Variants in MYLK observed in about 807,000 individuals in gnomAD.
MYLK encodes the protein myosin light chain kinase, smooth muscle.
MYLK carries 106 observed loss-of-function variants against 203.4 expected under a neutral mutation model. The ratio of observed to expected loss-of-function variants is 0.52; its 90% CI spans 0.45 to 0.61. MYLK has a LOEUF of 0.61. MYLK is among the 20% of genes least tolerant of loss of function. The pLI is 0.00. For synonymous variants in MYLK, 867 were observed against 959.5 expected (o/e 0.90, Z 1.78); for missense variants, 2,072 against 2,442.3 (o/e 0.85, Z 3.20).
intron 3 of MYLK, among the ~76,000 whole-genome samples, chr3:123,828,529 C>G (rs1027990335): frequency 2.0e-5 from 3 of 152,060 alleles, no homozygotes; most frequent in Admixed American, 6.6e-5. Flanking sequence ...GAAAATGCCT[C>G]AGAACATTGG....
intron 19 of MYLK, among the ~76,000 whole-genome samples, chr3:123,685,769 G>T (rs866631177): frequency 6.6e-6 from 1 of 152,020 alleles, no homozygotes; most frequent in East Asian, 1.9e-4. Flanking sequence ...CTCCGTCCTC[G>T]GCCCTAGGGT....
chr3:123,677,591 G>A (rs372612937), intron 20 of MYLK, among the ~76,000 whole-genome samples: 7 of 152,100 alleles, frequency 4.6e-5, no homozygotes, highest in African/African-American at 1.2e-4. Flanking sequence ...ACCCACTCTG[G>A]GCTGGAGGAG....
intron 4 of MYLK, among the ~76,000 whole-genome samples, chr3:123,758,574 A>C (rs1203626813): frequency 6.6e-6 from 1 of 152,132 alleles, no homozygotes; most frequent in Non-Finnish European, 1.5e-5. Flanking sequence ...CCCGAGACAT[A>C]GGAATCCCTG....
chr3:123,652,525 GA>G (rs2059249513), intron 24 of MYLK, among the ~76,000 whole-genome samples: 1 of 152,188 alleles, frequency 6.6e-6, no homozygotes, highest in Admixed American at 6.5e-5. Flanking sequence ...CACACCCAGA[GA>G]ACACTAGAGG....
chr3:123,792,449 T>C (rs2064815267), intron 4 of MYLK, among the ~76,000 whole-genome samples: 1 of 152,156 alleles, frequency 6.6e-6, no homozygotes, highest in South Asian at 2.1e-4. Context: ...TCCCCATCTC[T>C]CTTCCCCCCA....
chr3:123,621,261 G>A (rs2057839393), intron 31 of MYLK: 1 of 152,132 alleles, frequency 6.6e-6, no homozygotes, highest in Admixed American at 6.5e-5. Flanking sequence ...AGGTTAACAG[G>A]AATGACTAAG....
intron 19 of MYLK, among the ~76,000 whole-genome samples, chr3:123,685,956 T>C (rs820372): frequency 0.92 from 140,132 of 152,228 alleles, 65,652 homozygotes; most frequent in East Asian, 1. Flanking sequence ...CGCGCTCCAC[T>C]TGAAGTGTCA....
chr3:123,870,262 G>C (rs2032672908), intron 2 of MYLK, among the ~76,000 whole-genome samples: 1 of 152,176 alleles, frequency 6.6e-6, no homozygotes, highest in Non-Finnish European at 1.5e-5. Flanking sequence ...TTCTAAAAGA[G>C]TCTCAAAATG....
At chr3:123,653,720 AC>A (rs953289765) in intron 24 of MYLK, among the ~76,000 whole-genome samples, 1 of 151,676 alleles carries the variant, frequency 6.6e-6, no homozygotes, top group African/African-American at 2.4e-5. Flanking sequence ...GCTGTCCTAG[AC>A]CCCTGGGGGC....
chr3:123,618,894 T>A, intron 32 of MYLK, 124 bp from the exon 33 acceptor site: 1 of 1,303,844 alleles, frequency 7.7e-7, no homozygotes, highest in Non-Finnish European at 1.1e-6. Flanking sequence ...CTTTGAGAAC[T>A]GAATCATAAG....
intron 24 of MYLK, among the ~76,000 whole-genome samples, chr3:123,656,724 T>C (rs532595776): frequency 1.3e-5 from 2 of 152,272 alleles, no homozygotes; most frequent in Non-Finnish European, 2.9e-5. Context: ...ACACCTCTCT[T>C]CCTCTAGATT....
intron 3 of MYLK, among the ~76,000 whole-genome samples, chr3:123,796,011 T>A (rs1429594860): frequency 6.6e-6 from 1 of 152,126 alleles, no homozygotes; most frequent in Non-Finnish European, 1.5e-5. Context: ...ATAGGGCACA[T>A]CCCCTGCTTG....
chr3:123,668,482 G>A (rs1036003332), intron 20 of MYLK, among the ~76,000 whole-genome samples: 5 of 131,886 alleles, frequency 3.8e-5, no homozygotes, highest in African/African-American at 1.4e-4. Context: ...ATGGAGAACA[G>A]ATTAATGAAT....
chr3:123,811,150 G>A (rs2109232240), intron 3 of MYLK, among the ~76,000 whole-genome samples: 1 of 152,314 alleles, frequency 6.6e-6, no homozygotes, highest in East Asian at 1.9e-4. Context: ...CTTCTGCTCG[G>A]AGGTGTCAGC....
chr3:123,701,606 G>T, intron 16 of MYLK, 97 bp from the exon 17 acceptor site: 1 of 1,278,856 alleles, frequency 7.8e-7, no homozygotes, highest in Non-Finnish European at 1.1e-6. Flanking sequence ...CAGCGGGGAA[G>T]ATGGAAGTCG....
At chr3:123,641,750 G>GTCCCTCTCTTCCCTCCC (rs1158049609) in intron 27 of MYLK, among the ~76,000 whole-genome samples, 11 of 141,644 alleles carry the variant, frequency 7.8e-5, no homozygotes, top group Non-Finnish European at 1.4e-4. Flanking sequence ...TCCTCCCTCC[G>GTCCCTCTCTTCCCTCCC]TCCCTCTCTT....
chr3:123,854,876 T>C (rs2031207236), intron 2 of MYLK, among the ~76,000 whole-genome samples: 1 of 152,208 alleles, frequency 6.6e-6, no homozygotes, highest in Non-Finnish European at 1.5e-5. Flanking sequence ...TTTATCTAGG[T>C]ATAGTATTTT....
rs80352548 is a variant in MYLK, at chr3:123,804,216, T to C, written c.-3-10372A>G. Among the ~76,000 whole-genome samples, 1,269 of 152,210 alleles carry C rather than the reference T, an allele frequency of 8.3e-3. 18 individuals carry two copies. The highest frequency in any genetic ancestry group is 0.029 in the African/African-American group (1,195 of 41,540). On this transcript the variant is annotated intron_variant, in intron 3 of 33. Transcript: ENST00000360304. Reference sequence around the variant, plus strand: ...CTCAATTCTGCCAGCATTTGGTAATTTGAGTTATTTTGAAACAGAAATCTT... The same window carrying C: ...CTCAATTCTGCCAGCATTTGGTAATCTGAGTTATTTTGAAACAGAAATCTT...
At chr3:123,684,506 A>G (rs1186738566) in intron 19 of MYLK, among the ~76,000 whole-genome samples, 1 of 151,934 alleles carries the variant, frequency 6.6e-6, no homozygotes, top group Admixed American at 6.6e-5. Context: ...ACAGTCACCA[A>G]TGACAATGTA....
Sources: allele counts gnomAD v4.1 joint callset (sites outside exome capture counted in the v4.1 genomes callset), GRCh38; gene constraint gnomAD v4.1.1; transcripts MANE v1.5; gene names NCBI Gene and HGNC (gene_info 2026-07-23, HGNC 2026-07-21).